Variants in PCED1B observed in about 807,000 individuals in gnomAD.
The protein encoded by PCED1B is PC-esterase domain containing 1B, also known as PC-esterase domain-containing protein 1B.
For synonymous variants in PCED1B, 251 were observed against 246.1 expected, an observed-to-expected ratio of 1.02 and a Z score of -0.19; for missense variants, 573 against 573.9, an observed-to-expected ratio of 1.00 and a Z score of 0.02.
At chr12:47,135,727 C>A in intron 2 of PCED1B, 3 of 531,324 alleles carry the variant, frequency 5.6e-6, no homozygotes, top group Non-Finnish European at 1.1e-5. Flanking sequence ...AGGGACCAGA[C>A]GACATGGTCG....
At chr12:47,213,697 A>C (rs925353446) in intron 2 of PCED1B, among the ~76,000 whole-genome samples, 2 of 152,258 alleles carry the variant, frequency 1.3e-5, no homozygotes, top group Non-Finnish European at 2.9e-5. Context: ...TTATATGTGC[A>C]TAAGTTGTCA....
rs1461715979 is a variant in PCED1B at position 47,235,214 on chromosome 12, A to AG, written c.157dup (p.Glu53GlyfsTer8). 8 of 1,608,414 alleles carry AG rather than the reference A, an allele frequency of 5.0e-6. No homozygotes were observed. Among genetic ancestry groups the AG allele is most frequent in the Non-Finnish European group, 6.8e-6 (8 of 1,176,948 alleles). ...GCTCACTCCCGGGCAGCTTAGAGCA[A>AG]GGGGGGAGCTGAACTTCGAACAAGA... On this transcript the variant is annotated frameshift_variant, in exon 4 of 4. Coordinates refer to ENST00000546455, the MANE Select transcript of PCED1B (RefSeq NM_138371.3). LOFTEE classifies it low-confidence loss of function (END_TRUNC).
intron 2 of PCED1B, among the ~76,000 whole-genome samples, chr12:47,124,024 G>C (rs1274384989): frequency 6.6e-6 from 1 of 151,904 alleles, no homozygotes; most frequent in Non-Finnish European, 1.5e-5. Flanking sequence ...CAACTTCATT[G>C]ATGTATAATT....
At chr12:47,164,824 G>A (rs1010076874) in intron 2 of PCED1B, among the ~76,000 whole-genome samples, 1 of 152,206 alleles carries the variant, frequency 6.6e-6, no homozygotes, top group Admixed American at 6.5e-5. Flanking sequence ...AAGGCTTATG[G>A]CTTGTATCCT....
At chr12:47,132,775 A>T (rs1940185031) in intron 2 of PCED1B, among the ~76,000 whole-genome samples, 1 of 152,260 alleles carries the variant, frequency 6.6e-6, no homozygotes, top group African/African-American at 2.4e-5. Flanking sequence ...CTTCTGAGGC[A>T]GGAGAGTAAT....
At chr12:47,188,648 C>T (rs555957790) in intron 2 of PCED1B, among the ~76,000 whole-genome samples, 4 of 152,302 alleles carry the variant, frequency 2.6e-5, no homozygotes, top group African/African-American at 9.6e-5. Flanking sequence ...CAGAGTCTTG[C>T]AGATGCAAAC....
At chr12:47,220,036 G>C (rs888251245) in intron 3 of PCED1B, among the ~76,000 whole-genome samples, 1 of 132,974 alleles carries the variant, frequency 7.5e-6, no homozygotes, top group Non-Finnish European at 1.5e-5. Flanking sequence ...TCATGCCCCT[G>C]TACTCCCAGG....
chr12:47,088,780 T>C (rs932977036), intron 1 of PCED1B, among the ~76,000 whole-genome samples: 4 of 152,156 alleles, frequency 2.6e-5, no homozygotes, highest in Non-Finnish European at 4.4e-5. Flanking sequence ...TCCTACTTCA[T>C]GGAAACAGCC....
chr12:47,174,798 G>A (rs1384816099), intron 2 of PCED1B, among the ~76,000 whole-genome samples: 1 of 152,174 alleles, frequency 6.6e-6, no homozygotes, highest in Non-Finnish European at 1.5e-5. Context: ...GGGTCAGAGA[G>A]ATGCAAGTTC....
intron 3 of PCED1B, among the ~76,000 whole-genome samples, chr12:47,231,700 A>T (rs1943813286): frequency 6.6e-6 from 1 of 152,196 alleles, no homozygotes; most frequent in Non-Finnish European, 1.5e-5. Flanking sequence ...CAGAGAAAGA[A>T]TGCATTAGAG....
intron 2 of PCED1B, among the ~76,000 whole-genome samples, chr12:47,104,556 A>G (rs759900995): frequency 6.6e-6 from 1 of 152,208 alleles, no homozygotes; most frequent in African/African-American, 2.4e-5. Context: ...CCACAGCCAA[A>G]CAACCACTTG....
Position 47,236,295 on chromosome 12 carries a change from C to G in PCED1B, c.1232C>G (p.Pro411Arg). Residue 411 changes from proline to arginine, a missense_variant, in exon 4 of 4, where the codon CCC becomes CGC. Coordinates refer to ENST00000546455, the MANE Select transcript of PCED1B (RefSeq NM_138371.3). Reference protein sequence around the residue: ...GRYRPRGPYTPWGQRPRPSKR... With the variant: ...GRYRPRGPYTRWGQRPRPSKR... ...TATCGTCCCCGTGGCCCCTATACGC[C>G]CTGGGGACAGCGGCCTCGACCTTCA... is the stretch of plus-strand genomic sequence containing the variant. 1 of 1,614,082 alleles carries G rather than the reference C, an allele frequency of 6.2e-7. No individual in the cohort carries two copies. Among genetic ancestry groups the G allele is most frequent in the Non-Finnish European group, 8.5e-7 (1 of 1,179,996 alleles).
chr12:47,089,115 A>G (rs1938126958), intron 1 of PCED1B, among the ~76,000 whole-genome samples: 1 of 152,050 alleles, frequency 6.6e-6, no homozygotes, highest in Admixed American at 6.6e-5. Flanking sequence ...TTGGTGTCCC[A>G]GGGCTAATTT....
intron 2 of PCED1B, among the ~76,000 whole-genome samples, chr12:47,131,965 C>T (rs1940150820): frequency 6.6e-6 from 1 of 152,096 alleles, no homozygotes; most frequent in Admixed American, 6.6e-5. Flanking sequence ...CCGTGCCCAG[C>T]CTGTCATGTT....
In PCED1B at chr12:47,112,858, A is replaced by G. The variant is rs144223662; in HGVS notation, c.-526+8663A>G. Among the ~76,000 whole-genome samples the G allele has an allele frequency of 2.1e-3, 315 of 152,314 alleles. 2 individuals are homozygous for G. Among genetic ancestry groups the G allele is most frequent in the Middle Eastern group, 0.014 (4 of 294 alleles). On this transcript the variant is annotated intron_variant, in intron 2 of 3. Coordinates refer to ENST00000546455, the MANE Select transcript of PCED1B (RefSeq NM_138371.3). ...TAAGAGACTAAAGTTTCATTTTTAC[A>G]GTAAAGAGCCTCAGCCTGCAGAGAG...
intron 2 of PCED1B, among the ~76,000 whole-genome samples, chr12:47,175,551 A>AGTATGTATGTAT (rs34227779): frequency 5.6e-4 from 85 of 151,460 alleles, no homozygotes; most frequent in African/African-American, 2.0e-3. Context: ...TACTTCTTTC[A>AGTATGTATGTAT]GTATGTATGT....
chr12:47,086,360 T>TAAAAAAAAAA (rs3045485), intron 1 of PCED1B, among the ~76,000 whole-genome samples: 2 of 95,550 alleles, frequency 2.1e-5, no homozygotes, highest in African/African-American at 9.2e-5. Context: ...GTGCTTATGG[T>TAAAAAAAAAA]AAAAAAAAAA....
At chr12:47,205,428 G>A (rs1942883086) in intron 2 of PCED1B, among the ~76,000 whole-genome samples, 1 of 152,152 alleles carries the variant, frequency 6.6e-6, no homozygotes, top group Non-Finnish European at 1.5e-5. Context: ...TTTATAATCT[G>A]GTACCTAAGG....
chr12:47,084,824 A>G (rs547906192), intron 1 of PCED1B, among the ~76,000 whole-genome samples: 1 of 152,348 alleles, frequency 6.6e-6, no homozygotes, highest in Non-Finnish European at 1.5e-5. Flanking sequence ...AAGAGGTGAT[A>G]TAAAATTTAG....
Sources: gnomAD v4.1 joint callset for allele counts (sites outside exome capture counted in the v4.1 genomes callset) on GRCh38, gnomAD v4.1.1 for gene constraint, MANE v1.5 for transcripts, NCBI Gene and HGNC (gene_info 2026-07-23, HGNC 2026-07-21) for gene names.